The following NIM1K variants were observed in gnomAD, a reference collection of about 807,000 sequenced individuals.
The protein encoded by NIM1K is NIM1 serine/threonine protein kinase.
Under a neutral mutation model 37.1 loss-of-function variants are expected in NIM1K, and 35 were observed. The observed-to-expected ratio is 0.94, with a 90% CI of 0.72 to 1.25. The LOEUF (loss-of-function observed/expected upper bound fraction) is 1.25, where lower values mean the gene tolerates loss of function less well. Among genes scored for constraint, NIM1K ranks in the 50% most tolerant of loss-of-function variants. The pLI, the probability that NIM1K is intolerant of heterozygous loss-of-function variation, is 0.00. For missense variants in NIM1K, 564 were observed against 548.0 expected (o/e 1.03, Z -0.29); for synonymous variants, 234 against 206.6 (o/e 1.13, Z -1.14).
At chr5:43,268,000 T>C (rs1374606777) in intron 2 of NIM1K, among the ~76,000 whole-genome samples, 2 of 152,202 alleles carry the variant, frequency 1.3e-5, no homozygotes, top group Non-Finnish European at 2.9e-5. Context: ...CATTGTTTCT[T>C]TGTTGACTTT....
intron 2 of NIM1K, among the ~76,000 whole-genome samples, chr5:43,254,619 A>G (rs1210997475): frequency 6.6e-6 from 1 of 152,214 alleles, no homozygotes; most frequent in Non-Finnish European, 1.5e-5. Flanking sequence ...TCGAGGGAGC[A>G]ATGCATAGCA....
At chr5:43,260,857 G>A (rs1440074435) in intron 2 of NIM1K, among the ~76,000 whole-genome samples, 2 of 152,002 alleles carry the variant, frequency 1.3e-5, no homozygotes, top group Non-Finnish European at 2.9e-5. Flanking sequence ...GAGAACATTC[G>A]GTGTTTGGTT....
chr5:43,280,029 A>C lies in NIM1K; in HGVS notation c.611A>C (p.Tyr204Ser). Residue 204 changes from tyrosine (Y) to serine (S), a missense_variant, in exon 4 of 4, where the codon TAT becomes TCT. Physicochemically the swap from Tyr to Ser is moderately radical, Grantham distance 144 (BLOSUM62 -2). Coordinates refer to ENST00000326035, the MANE Select transcript of NIM1K (RefSeq NM_153361.4). ...GATCTGAAAGCAGAAAATGTATTCT[A>C]TACCAGTAATACTTGTGTGAAGGTG... Reference protein sequence around the residue: ...HRDLKAENVFYTSNTCVKVGD... With the variant: ...HRDLKAENVFSTSNTCVKVGD... The C allele has an allele frequency of 1.2e-6, 2 of 1,614,008 alleles. No homozygotes were observed.
chr5:43,274,913 T>A (rs1169898670), intron 2 of NIM1K, among the ~76,000 whole-genome samples: 2 of 152,230 alleles, frequency 1.3e-5, no homozygotes, highest in African/African-American at 4.8e-5. Context: ...GGGATCCTGT[T>A]CTGTCTGTTT....
At chr5:43,266,457 A>G (rs1368728543) in intron 2 of NIM1K, among the ~76,000 whole-genome samples, 1 of 152,222 alleles carries the variant, frequency 6.6e-6, no homozygotes, top group East Asian at 1.9e-4. Flanking sequence ...GCCATTTGCT[A>G]GGACTGTTGG....
chr5:43,215,437 CT>C (rs1351471524), intron 1 of NIM1K, among the ~76,000 whole-genome samples: 1 of 152,054 alleles, frequency 6.6e-6, no homozygotes, highest in Non-Finnish European at 1.5e-5. Flanking sequence ...AAAGGCCCAT[CT>C]TTTTTTCTTT....
intron 2 of NIM1K, among the ~76,000 whole-genome samples, chr5:43,265,898 C>A (rs986896673): frequency 6.6e-6 from 1 of 152,190 alleles, no homozygotes; most frequent in African/African-American, 2.4e-5. Context: ...CCACTTCAGA[C>A]CTGTTTGCCT....
intron 1 of NIM1K, chr5:43,207,682 G>A: frequency 1.8e-6 from 1 of 544,992 alleles, no homozygotes; most frequent in Non-Finnish European, 3.5e-6. Context: ...AAGAACAGCT[G>A]GAGAATTCTT....
At chr5:43,198,517 T>TA (rs1159149203) in intron 1 of NIM1K, among the ~76,000 whole-genome samples, 8 of 148,340 alleles carry the variant, frequency 5.4e-5, no homozygotes, top group Non-Finnish European at 7.5e-5. Context: ...TACTTGAACT[T>TA]AAAAAAAAAA....
chr5:43,213,192 TC>T (rs879930455), intron 1 of NIM1K, among the ~76,000 whole-genome samples: 16,687 of 89,916 alleles, frequency 0.19, 1,399 homozygotes, highest in Non-Finnish European at 0.26. Flanking sequence ...TTTCTTTCTT[TC>T]TTTCTTTCTT....
chr5:43,240,814 G>A (rs1579974588), intron 1 of NIM1K, among the ~76,000 whole-genome samples: 4 of 152,026 alleles, frequency 2.6e-5, no homozygotes, highest in African/African-American at 9.7e-5. Flanking sequence ...TGGTATTACA[G>A]CCGTGAGCCA....
rs1225943143 is a variant in NIM1K at position 43,260,775 on chromosome 5, G to A, written c.292+14708G>A. Among the ~76,000 whole-genome samples, 4 of 151,232 alleles carry A rather than the reference G, an allele frequency of 2.6e-5. 1 individual carries two copies. The highest frequency in any genetic ancestry group is 2.0e-4 in the Admixed American group (3 of 15,184). On this transcript the variant is annotated intron_variant, in intron 2 of 3. Transcript: ENST00000326035. ...TCCCTCCCCCCTTCCCCCACCCGAC[G>A]ACAGGCCCGGATGTGTGATGTTCCC...
At chr5:43,234,070 A>C (rs1280307369) in intron 1 of NIM1K, among the ~76,000 whole-genome samples, 1 of 152,238 alleles carries the variant, frequency 6.6e-6, no homozygotes, top group African/African-American at 2.4e-5. Context: ...ATGGTTTCAC[A>C]TGTTGTAATG....
At chr5:43,202,730 C>A (rs953350548) in intron 1 of NIM1K, among the ~76,000 whole-genome samples, 2 of 152,134 alleles carry the variant, frequency 1.3e-5, no homozygotes, top group Non-Finnish European at 1.5e-5. Context: ...CTAAGCAGCG[C>A]TGAAGAAAAA....
intron 1 of NIM1K, among the ~76,000 whole-genome samples, chr5:43,194,035 G>A (rs17303015): frequency 0.18 from 26,855 of 151,810 alleles, 2,830 homozygotes; most frequent in Middle Eastern, 0.33. Context: ...ACAGCTTTCC[G>A]CTCAGACAAA....
intron 1 of NIM1K, among the ~76,000 whole-genome samples, chr5:43,216,404 A>T (rs191073979): frequency 6.6e-6 from 1 of 152,342 alleles, no homozygotes; most frequent in East Asian, 1.9e-4. Context: ...TTTTTCTCTG[A>T]GATGCAGGAT....
intron 2 of NIM1K, among the ~76,000 whole-genome samples, chr5:43,268,785 T>C (rs540358788): frequency 1.2e-3 from 178 of 152,288 alleles, no homozygotes; most frequent in Non-Finnish European, 1.4e-3. Context: ...TATTATCATT[T>C]AAACTACAAA....
At chr5:43,233,322 A>AG in intron 1 of NIM1K, 2 of 457,980 alleles carry the variant, frequency 4.4e-6, no homozygotes, top group Admixed American at 3.6e-5. Flanking sequence ...TAAAAAAAAA[A>AG]AAAAACTTAA....
intron 1 of NIM1K, among the ~76,000 whole-genome samples, chr5:43,217,622 G>A (rs1055367804): frequency 4.6e-5 from 7 of 151,956 alleles, no homozygotes; most frequent in Non-Finnish European, 7.4e-5. Context: ...ATTACCTGAC[G>A]GATAATGATG....
Sources: allele counts gnomAD v4.1 joint callset (sites outside exome capture counted in the v4.1 genomes callset), GRCh38; gene constraint gnomAD v4.1.1; transcripts MANE v1.5; gene names NCBI Gene and HGNC (gene_info 2026-07-23, HGNC 2026-07-21).